Variants in LIMCH1 observed in about 807,000 individuals in gnomAD.
LIMCH1 encodes the protein LIM and calponin homology domains 1.
In LIMCH1, 113 loss-of-function variants were observed where a neutral mutation model predicts 176.5. The observed-to-expected ratio is 0.64, with a 90% CI of 0.55 to 0.75. LIMCH1 has a LOEUF of 0.75. LIMCH1 is among the 30% of genes least tolerant of loss of function. LIMCH1 has a pLI of 0.00. For missense variants in LIMCH1, 1,674 were observed against 1,814.9 expected, an observed-to-expected ratio of 0.92 and a Z score of 1.41; for synonymous variants, 619 against 645.9, an observed-to-expected ratio of 0.96 and a Z score of 0.63.
At chr4:41,448,613 A>C (rs1158444563) in intron 1 of LIMCH1, among the ~76,000 whole-genome samples, 1 of 152,152 alleles carries the variant, frequency 6.6e-6, no homozygotes, top group Non-Finnish European at 1.5e-5. Flanking sequence ...ATCAATTTAA[A>C]ATATGCAAAT....
chr4:41,645,719 G>T (rs2094027482), intron 15 of LIMCH1, among the ~76,000 whole-genome samples: 1 of 152,142 alleles, frequency 6.6e-6, no homozygotes, highest in Non-Finnish European at 1.5e-5. Flanking sequence ...TGCCTTCCAT[G>T]TGGAAACTGT....
chr4:41,564,181 T>C (rs1371864264), intron 1 of LIMCH1, among the ~76,000 whole-genome samples: 2 of 152,204 alleles, frequency 1.3e-5, no homozygotes, highest in Non-Finnish European at 2.9e-5. Flanking sequence ...GATAATATGA[T>C]TGTTCCCATT....
rs529466122 is a variant in LIMCH1 at position 41,576,269 on chromosome 4, AT to A, written c.-240-22645del. Among the ~76,000 whole-genome samples, 34 of 152,134 alleles carry A rather than the reference AT, an allele frequency of 2.2e-4. 1 individual carries two copies. The highest frequency in any genetic ancestry group is 8.0e-4 in the African/African-American group (33 of 41,498). The stretch of plus-strand genomic sequence containing the variant: ...AATGCTTTAAACTTGCTCAATATAC[AT>A]TTTTTCAGACTTTTTTTAAATTTCA... On this transcript the variant is annotated intron_variant, in intron 1 of 31. Transcript: ENST00000503057.
At chr4:41,414,627 G>A (rs2059771424) in intron 1 of LIMCH1, among the ~76,000 whole-genome samples, 1 of 152,130 alleles carries the variant, frequency 6.6e-6, no homozygotes, top group African/African-American at 2.4e-5. Context: ...TATGCATTAT[G>A]TCACTGTGTC....
In LIMCH1 at chr4:41,661,660, C is replaced by A. The variant is rs1287378754; in HGVS notation, c.3127+150C>A. The A allele has an allele frequency of 5.9e-5, 40 of 673,720 alleles. 2 individuals are homozygous for A. In the South Asian group the frequency reaches 6.0e-4, roughly 10 times the overall value. 41.7% of individuals were successfully genotyped at this position (673,720 alleles called of 1,614,324 possible). On this transcript the variant is annotated intron_variant, in intron 19 of 31. Coordinates refer to ENST00000503057, the MANE Select transcript of LIMCH1 (RefSeq NM_001330672.2). Reference sequence around the variant, plus strand: ...GGTTGTGCTGCCACCTAGAGGCTTCCTGGGGAAGTTCTGCCCGTATGGTTA... The same window carrying A: ...GGTTGTGCTGCCACCTAGAGGCTTCATGGGGAAGTTCTGCCCGTATGGTTA...
At chr4:41,655,886 T>A (rs1229064085) in intron 18 of LIMCH1, among the ~76,000 whole-genome samples, 1 of 152,016 alleles carries the variant, frequency 6.6e-6, no homozygotes, top group Non-Finnish European at 1.5e-5. Context: ...TCTGGCCCCC[T>A]CCTGCCACCT....
At chr4:41,454,323 A>T (rs1355487296) in intron 1 of LIMCH1, among the ~76,000 whole-genome samples, 1 of 152,148 alleles carries the variant, frequency 6.6e-6, no homozygotes, top group Non-Finnish European at 1.5e-5. Flanking sequence ...AACTAAAATG[A>T]TTTCTGTTTC....
At chr4:41,494,650 A>G (rs2071742693) in intron 2 of LIMCH1, 1 of 1,230,062 alleles carries the variant, frequency 8.1e-7, no homozygotes, top group Non-Finnish European at 1.2e-6. Flanking sequence ...AAAAAACATC[A>G]TTAATACTAT....
At chr4:41,657,112 T>C (rs749024234) in intron 18 of LIMCH1, among the ~76,000 whole-genome samples, 19 of 152,224 alleles carry the variant, frequency 1.2e-4, no homozygotes, top group Non-Finnish European at 2.1e-4. Context: ...GATCGCATTC[T>C]CAGTTAAGGG....
intron 1 of LIMCH1, among the ~76,000 whole-genome samples, chr4:41,362,788 T>C (rs928459780): frequency 6.6e-6 from 1 of 152,212 alleles, no homozygotes; most frequent in Non-Finnish European, 1.5e-5. Context: ...TGGTAGTATA[T>C]TTCAGGCTAT....
chr4:41,538,012 G>A (rs2078139658), upstream of LIMCH1: 1 of 251,100 alleles, frequency 4.0e-6, no homozygotes, highest in South Asian at 1.5e-4. Context: ...GCTAGTGGCT[G>A]ACACAAAGCT....
chr4:41,414,332 C>T (rs1476553999), intron 1 of LIMCH1, among the ~76,000 whole-genome samples: 1 of 152,146 alleles, frequency 6.6e-6, no homozygotes, highest in African/African-American at 2.4e-5. Context: ...TCACGTACTA[C>T]TGAAGTTGAT....
At chr4:41,412,943 G>A (rs1469241371) in intron 1 of LIMCH1, among the ~76,000 whole-genome samples, 3 of 152,180 alleles carry the variant, frequency 2.0e-5, no homozygotes, top group African/African-American at 7.2e-5. Flanking sequence ...ACCTAGGTAA[G>A]TTGCTGAAGT....
At chr4:41,482,172 A>G (rs4861116) in intron 1 of LIMCH1, among the ~76,000 whole-genome samples, 60,066 of 152,028 alleles carry the variant, frequency 0.4, 14,743 homozygotes, top group African/African-American at 0.69. Flanking sequence ...CTGGCCTGAA[A>G]TAGTTCTTAG....
chr4:41,491,891 C>T (rs1357870592), intron 1 of LIMCH1, among the ~76,000 whole-genome samples: 1 of 146,828 alleles, frequency 6.8e-6, no homozygotes, highest in Admixed American at 6.8e-5. Context: ...ATGGGGCAGC[C>T]GGGCAGAGGC....
intron 1 of LIMCH1, among the ~76,000 whole-genome samples, chr4:41,363,329 C>T (rs995104267): frequency 6.6e-6 from 1 of 152,198 alleles, no homozygotes; most frequent in Admixed American, 6.5e-5. Flanking sequence ...TGCAACTCCT[C>T]TAGGGGCCCC....
intron 18 of LIMCH1, among the ~76,000 whole-genome samples, chr4:41,657,148 T>G (rs560542965): frequency 6.6e-6 from 1 of 152,370 alleles, no homozygotes; most frequent in African/African-American, 2.4e-5. Flanking sequence ...CTGAGTCCCA[T>G]GCAACCTTTC....
upstream of LIMCH1, among the ~76,000 whole-genome samples, chr4:41,360,026 G>GGGTGTGT (rs1272581302): frequency 1.4e-5 from 2 of 145,774 alleles, no homozygotes; most frequent in African/African-American, 5.1e-5. This position sits in a 1 kb window ranked among gnomAD's most constrained non-coding sequence, Gnocchi z 4.5. Flanking sequence ...GGGTGTGTAG[G>GGGTGTGT]GTGTGTGTGT....
chr4:41,636,958 C>T lies in LIMCH1; in HGVS notation c.2091-1974C>T, dbSNP rs115613138. On this transcript the variant is annotated intron_variant, in intron 13 of 31. Coordinates refer to ENST00000503057, the MANE Select transcript of LIMCH1 (RefSeq NM_001330672.2). Reference sequence around the variant, plus strand: ...GTGCACTTTCTGTATATAGCTTAAACTTCAATAAAATGTTAATTAAAATAT... The same window carrying T: ...GTGCACTTTCTGTATATAGCTTAAATTTCAATAAAATGTTAATTAAAATAT... Among the ~76,000 whole-genome samples the T allele has an allele frequency of 3.3e-4, 50 of 152,260 alleles. 1 individual carries two copies. The highest frequency in any genetic ancestry group is 8.9e-4 in the African/African-American group (37 of 41,558).
Sources: gnomAD v4.1 joint callset for allele counts (sites outside exome capture counted in the v4.1 genomes callset) on GRCh38, gnomAD v4.1.1 for gene constraint, Gnocchi (gnomAD v3.1) non-coding constraint, MANE v1.5 for transcripts, NCBI Gene and HGNC (gene_info 2026-07-23, HGNC 2026-07-21) for gene names.